Variants in ZBTB20 observed in about 807,000 individuals in gnomAD.
The protein encoded by ZBTB20 is zinc finger and BTB domain containing 20, also known as zinc finger and BTB domain-containing protein 20.
ZBTB20 carries 9 observed loss-of-function variants against 56.9 expected under a neutral mutation model. The observed-to-expected ratio is 0.16, with a 90% confidence interval of 0.10 to 0.28. ZBTB20 has a LOEUF of 0.28. Ranked by LOEUF, ZBTB20 falls within the 10% of genes least tolerant of loss-of-function variation. The pLI, the probability that ZBTB20 is intolerant of heterozygous loss-of-function variation, is 1.00. For missense variants in ZBTB20, 655 were observed against 1,003.0 expected (o/e 0.65, Z 4.69); for synonymous variants, 417 against 420.7 (o/e 0.99, Z 0.11).
At chr3:114,995,553 C>T (rs1228484495) in intron 2 of ZBTB20, among the ~76,000 whole-genome samples, 1 of 151,718 alleles carries the variant, frequency 6.6e-6, no homozygotes, top group African/African-American at 2.4e-5. Context: ...ATAAGCTTCA[C>T]CCTAAGTCAC....
chr3:114,364,708 A>C (rs751709938), intron 10 of ZBTB20, among the ~76,000 whole-genome samples: 2 of 152,200 alleles, frequency 1.3e-5, no homozygotes, highest in African/African-American at 4.8e-5. Context: ...GGCTCACAAT[A>C]TGCTCAGAGT....
intron 5 of ZBTB20, among the ~76,000 whole-genome samples, chr3:114,697,235 C>G: frequency 6.6e-6 from 1 of 152,082 alleles, no homozygotes; most frequent in Middle Eastern, 3.4e-3. Context: ...CACACACACA[C>G]CCGTCTTCCT....
chr3:114,645,484 G>C (rs945223610), intron 6 of ZBTB20, among the ~76,000 whole-genome samples: 3 of 152,064 alleles, frequency 2.0e-5, no homozygotes, highest in Non-Finnish European at 4.4e-5. Context: ...TCCAGAAATT[G>C]GCTTTATTTG....
chr3:114,513,130 A>C (rs970267821), intron 6 of ZBTB20, among the ~76,000 whole-genome samples: 1 of 152,200 alleles, frequency 6.6e-6, no homozygotes, highest in Non-Finnish European at 1.5e-5. Context: ...ATGCTTTATA[A>C]ACAAAAATGG....
intron 5 of ZBTB20, among the ~76,000 whole-genome samples, chr3:114,779,618 A>T: frequency 6.6e-6 from 1 of 152,334 alleles, no homozygotes. Context: ...CTTTTAGCAC[A>T]GATTATGATC....
chr3:114,536,668 A>G (rs9842985), intron 6 of ZBTB20, among the ~76,000 whole-genome samples: 39,607 of 152,012 alleles, frequency 0.26, 5,612 homozygotes, highest in African/African-American at 0.39. Flanking sequence ...TCAAAAAAGA[A>G]CCCATATAGC....
At chr3:114,794,759 T>C (rs757396867) in intron 5 of ZBTB20, among the ~76,000 whole-genome samples, 2 of 152,074 alleles carry the variant, frequency 1.3e-5, no homozygotes, top group Non-Finnish European at 2.9e-5. Flanking sequence ...ACCATGTTAT[T>C]AATGCATCAT....
At chr3:114,617,752 A>G (rs1170602944) in intron 6 of ZBTB20, among the ~76,000 whole-genome samples, 1 of 152,124 alleles carries the variant, frequency 6.6e-6, no homozygotes, top group African/African-American at 2.4e-5. Flanking sequence ...AACTTTCCAG[A>G]TACATTCATG....
rs2079117662 is a variant in ZBTB20 at position 114,328,023 on chromosome 3, C to A, written c.*10982G>T. ...CTGCAGGGAGATCTAGCATGACAAC[C>A]AAATTATATGGGGCGTATTTAGGTG... On this transcript the variant is annotated 3_prime_UTR_variant, in exon 12 of 12. Transcript: ENST00000675478. 6.6e-6 allele frequency: 1 copy of A among 152,162 alleles called. No individual in the cohort carries two copies. Among genetic ancestry groups the A allele is most frequent in the Non-Finnish European group, 1.5e-5 (1 of 68,028 alleles). 9.4% of individuals were successfully genotyped at this position (152,162 alleles called of 1,614,324 possible). A position where few individuals can be genotyped will look rare whatever the true frequency, so the allele number is the denominator to read the frequency against.
At chr3:114,448,490 A>T (rs1363022620) in intron 7 of ZBTB20, among the ~76,000 whole-genome samples, 2 of 152,084 alleles carry the variant, frequency 1.3e-5, no homozygotes, top group African/African-American at 4.8e-5. Context: ...CAAAGTAAAG[A>T]TTACTTCTCC....
At chr3:114,971,438 C>T (rs1017135860) in intron 3 of ZBTB20, among the ~76,000 whole-genome samples, 5 of 152,080 alleles carry the variant, frequency 3.3e-5, no homozygotes, top group Non-Finnish European at 7.4e-5. Context: ...ATAGTACTTA[C>T]CCCAAATAAC....
At chr3:115,111,656 ATAAT>A (rs1317306031) in intron 1 of ZBTB20, among the ~76,000 whole-genome samples, 3 of 152,226 alleles carry the variant, frequency 2.0e-5, no homozygotes, top group Non-Finnish European at 4.4e-5. Flanking sequence ...AAATAATTCA[ATAAT>A]TAAATTCTGA....
intron 2 of ZBTB20, among the ~76,000 whole-genome samples, chr3:115,049,999 T>A (rs2081483011): frequency 6.6e-6 from 1 of 152,104 alleles, no homozygotes; most frequent in Non-Finnish European, 1.5e-5. Context: ...CAAAAGATTA[T>A]ATCATTACAT....
At position 114,971,002 on chromosome 3, in the gene ZBTB20, G is replaced by A. The variant is rs1365895270; in HGVS notation, c.-456+3364C>T. Among the ~76,000 whole-genome samples the A allele has an allele frequency of 5.5e-5, 8 of 146,374 alleles. No homozygotes were observed. The East Asian group carries it at 7.8e-4, about 14-fold the overall frequency. On this transcript the variant is annotated intron_variant, in intron 3 of 11. Coordinates refer to ENST00000675478, the MANE Select transcript of ZBTB20 (RefSeq NM_001348800.3). ...TGCACTCCAGCCTGGGCAACAGAGC[G>A]AGACTCCGTCAAAAAAAAAAAAAAG...
chr3:114,392,464 T>C (rs558636867), intron 7 of ZBTB20, among the ~76,000 whole-genome samples: 130 of 152,180 alleles, frequency 8.5e-4, no homozygotes, highest in Non-Finnish European at 1.3e-3. Flanking sequence ...ACTGGGGTGA[T>C]AAACTCAGGC....
chr3:114,540,560 C>T (rs1410820956), intron 6 of ZBTB20, among the ~76,000 whole-genome samples: 1 of 152,096 alleles, frequency 6.6e-6, no homozygotes, highest in African/African-American at 2.4e-5. Context: ...TCCCTTATCC[C>T]CAGTGCAGGC....
At chr3:114,955,108 G>A (rs972185706) in intron 3 of ZBTB20, among the ~76,000 whole-genome samples, 2 of 152,132 alleles carry the variant, frequency 1.3e-5, no homozygotes, top group Admixed American at 6.6e-5. Flanking sequence ...CTGAAAGTTG[G>A]AGATCAAGCT....
chr3:114,643,959 G>C (rs1310798021), intron 6 of ZBTB20, among the ~76,000 whole-genome samples: 1 of 152,030 alleles, frequency 6.6e-6, no homozygotes, highest in Non-Finnish European at 1.5e-5. Flanking sequence ...AGATTCTACT[G>C]TTCTGGCACA....
intron 10 of ZBTB20, among the ~76,000 whole-genome samples, chr3:114,363,186 A>G (rs2082062894): frequency 6.6e-6 from 1 of 152,222 alleles, no homozygotes; most frequent in African/African-American, 2.4e-5. Context: ...TAACTTATTC[A>G]GGGTCCAGAC....
Sources: gnomAD v4.1 joint callset for allele counts (sites outside exome capture counted in the v4.1 genomes callset) on GRCh38, gnomAD v4.1.1 for gene constraint, MANE v1.5 for transcripts, NCBI Gene and HGNC (gene_info 2026-07-23, HGNC 2026-07-21) for gene names.